DRD3: variants seen among roughly 807,000 people sequenced by gnomAD.
DRD3 encodes D(3) dopamine receptor.
A neutral mutation model predicts 36.3 loss-of-function variants in DRD3; 19 were observed. The observed-to-expected ratio is 0.52, with a 90% confidence interval of 0.36 to 0.77. DRD3 has a LOEUF of 0.77. Ranked by LOEUF, DRD3 falls within the 30% of genes least tolerant of loss-of-function variation. DRD3 has a pLI of 0.00. For synonymous variants in DRD3, 195 were observed against 203.7 expected, an observed-to-expected ratio of 0.96 and a Z score of 0.36; for missense variants, 465 against 505.3, an observed-to-expected ratio of 0.92 and a Z score of 0.77.
chr3:114,141,483 C>T (rs185704883), intron 4 of DRD3, among the ~76,000 whole-genome samples: 2 of 152,200 alleles, frequency 1.3e-5, no homozygotes, highest in African/African-American at 2.4e-5. Context: ...TTTCTCTCCC[C>T]TGAGCCTTTT....
At position 114,144,100 on chromosome 3, in the gene DRD3, C is replaced by A. The variant is rs552007800; in HGVS notation, c.526+3315G>T. ...GGCCTCTGCTGGGAGTTAAGGCAAC[C>A]CTGGCCAGCCAGGCCCCTGCCTCGG... is the stretch of plus-strand genomic sequence containing the variant. On this transcript the variant is annotated intron_variant, in intron 4 of 6. Coordinates refer to ENST00000383673, the MANE Select transcript of DRD3 (RefSeq NM_000796.6). Among the ~76,000 whole-genome samples the A allele has an allele frequency of 5.9e-5, 9 of 152,298 alleles. No individual in the cohort carries two copies. In the South Asian group the frequency reaches 1.9e-3, roughly 32 times the overall value.
chr3:114,193,196 C>T (rs923500560), intron 1 of DRD3, among the ~76,000 whole-genome samples: 1 of 152,032 alleles, frequency 6.6e-6, no homozygotes, highest in Non-Finnish European at 1.5e-5. Context: ...GGAGAATGGC[C>T]TGAACCTGGG....
intron 5 of DRD3, among the ~76,000 whole-genome samples, chr3:114,134,148 T>C (rs1399413867): frequency 6.6e-6 from 1 of 152,230 alleles, no homozygotes; most frequent in Non-Finnish European, 1.5e-5. Flanking sequence ...CCCCTCGCTT[T>C]GGTTTCCTTA....
At chr3:114,168,197 A>G (rs2077804405) in intron 2 of DRD3, among the ~76,000 whole-genome samples, 1 of 152,238 alleles carries the variant, frequency 6.6e-6, no homozygotes, top group South Asian at 2.1e-4. Context: ...ATACTCTATC[A>G]GTTGATGACA....
Position 114,197,326 on chromosome 3 carries a change from G to C in DRD3, c.-156+1947C>G, listed in dbSNP as rs555202758. On this transcript the variant is annotated intron_variant, in intron 1 of 7. Coordinates refer to the DRD3 transcript ENST00000460779. ...TGTAGAGAAGAGGTCTCGCCATGTT[G>C]CCCAGGCTGGTCTTGAACTCCTGGC... is the stretch of plus-strand genomic sequence containing the variant. Among the ~76,000 whole-genome samples, 129 of 99,448 alleles carry C rather than the reference G, an allele frequency of 1.3e-3. 3 individuals are homozygous for C. The South Asian group carries it at 0.041, about 31-fold the overall frequency. The allele number at this position is 99,448 out of a possible 152,430, so 65.2% of individuals were successfully genotyped here. A position where few individuals can be genotyped will look rare whatever the true frequency, so the allele number is the denominator to read the frequency against.
chr3:114,156,769 T>G (rs1408778704), intron 3 of DRD3, among the ~76,000 whole-genome samples: 1,363 of 122,158 alleles, frequency 0.011, 33 homozygotes, highest in African/African-American at 0.038. Context: ...CTTTCTTTCT[T>G]TCTTTCTTTC....
chr3:114,139,444 C>A, intron 5 of DRD3, 56 bp downstream of exon 5: 2 of 1,546,596 alleles, frequency 1.3e-6, no homozygotes, highest in South Asian at 2.4e-5. Flanking sequence ...TGGACACAGG[C>A]TGGGAAGTCA....
Position 114,128,527 on chromosome 3 carries a change from G to T in DRD3, c.*189C>A. ...TTTGAAGATTGTCAGAATGAAGTCA[G>T]ATTTTAGCTGGGGAGGTAGAATATT... On this transcript the variant is annotated 3_prime_UTR_variant, in exon 7 of 7. Coordinates refer to ENST00000383673, the MANE Select transcript of DRD3 (RefSeq NM_000796.6). The T allele has an allele frequency of 2.0e-6, 1 of 488,560 alleles. No homozygotes were observed. Among genetic ancestry groups the T allele is most frequent in the South Asian group, 6.0e-5 (1 of 16,694 alleles). 30.3% of individuals were successfully genotyped at this position (488,560 alleles called of 1,614,324 possible).
chr3:114,145,112 A>G (rs2077559242), intron 4 of DRD3, among the ~76,000 whole-genome samples: 1 of 152,010 alleles, frequency 6.6e-6, no homozygotes, highest in Non-Finnish European at 1.5e-5. Context: ...AGTCAGGGGA[A>G]CCACAGTCAG....
intron 4 of DRD3, among the ~76,000 whole-genome samples, chr3:114,146,938 G>T (rs1180892646): frequency 6.6e-6 from 1 of 152,010 alleles, no homozygotes; most frequent in Non-Finnish European, 1.5e-5. Context: ...AGGAATTTGG[G>T]AATCTATACT....
intron 2 of DRD3, among the ~76,000 whole-genome samples, chr3:114,171,495 AC>A (rs1258832270): frequency 6.6e-6 from 1 of 152,108 alleles, no homozygotes; most frequent in African/African-American, 2.4e-5. Context: ...AACACTGGAG[AC>A]CCATGAACAG....
At chr3:114,136,226 A>G (rs1366964702) in intron 5 of DRD3, among the ~76,000 whole-genome samples, 1 of 152,032 alleles carries the variant, frequency 6.6e-6, no homozygotes, top group Non-Finnish European at 1.5e-5. Context: ...AAACAAAAAC[A>G]AAAACAAAAA....
chr3:114,141,043 T>A (rs2077519238), intron 4 of DRD3, among the ~76,000 whole-genome samples: 1 of 152,248 alleles, frequency 6.6e-6, no homozygotes, highest in African/African-American at 2.4e-5. Flanking sequence ...AATTTATTTA[T>A]TTTTTGAGAC....
chr3:114,164,821 G>A (rs1486012940), intron 2 of DRD3, among the ~76,000 whole-genome samples: 1 of 152,076 alleles, frequency 6.6e-6, no homozygotes, highest in Non-Finnish European at 1.5e-5. Flanking sequence ...GCACAATCTC[G>A]GCTCACTGCA....
intron 4 of DRD3, among the ~76,000 whole-genome samples, chr3:114,145,510 G>A (rs1357686533): frequency 6.6e-6 from 1 of 152,268 alleles, no homozygotes; most frequent in Non-Finnish European, 1.5e-5. Flanking sequence ...TTGATAAGTT[G>A]GCTAGTTACC....
upstream of DRD3, among the ~76,000 whole-genome samples, chr3:114,179,503 T>C (rs1219279657): frequency 2.0e-5 from 3 of 152,210 alleles, no homozygotes; most frequent in Non-Finnish European, 4.4e-5. Context: ...TCTTACTGCT[T>C]CTCTGTGATA....
intron 5 of DRD3, among the ~76,000 whole-genome samples, chr3:114,131,735 T>C (rs996322005): frequency 1.3e-5 from 2 of 152,114 alleles, no homozygotes; most frequent in African/African-American, 4.8e-5. Context: ...AATAACCCCA[T>C]TAAAAAGTGG....
At chr3:114,163,645 C>T (rs2077754148) in intron 2 of DRD3, among the ~76,000 whole-genome samples, 1 of 152,156 alleles carries the variant, frequency 6.6e-6, no homozygotes, top group African/African-American at 2.4e-5. Flanking sequence ...TGGTGTGTGT[C>T]CATCCATTAC....
intron 1 of DRD3, among the ~76,000 whole-genome samples, chr3:114,189,982 T>C (rs912695083): frequency 3.3e-5 from 5 of 152,100 alleles, no homozygotes; most frequent in African/African-American, 1.2e-4. Context: ...GAAAGGATGA[T>C]TGATGGGAGT....
Sources: gnomAD v4.1 joint callset for allele counts (sites outside exome capture counted in the v4.1 genomes callset) on GRCh38, gnomAD v4.1.1 for gene constraint, MANE v1.5 for transcripts, NCBI Gene and HGNC (gene_info 2026-07-23, HGNC 2026-07-21) for gene names.